COL24A1: variants seen among roughly 807,000 people sequenced by gnomAD.
COL24A1 encodes the protein collagen alpha-1(XXIV) chain.
Under a neutral mutation model 253.9 loss-of-function variants are expected in COL24A1, and 224 were observed. That is an observed-to-expected ratio of 0.88 (90% CI 0.79 to 0.99). COL24A1 has a LOEUF of 0.99. COL24A1 is among the 50% of genes least tolerant of loss of function. The pLI, the probability that COL24A1 is intolerant of heterozygous loss-of-function variation, is 0.00. For missense variants in COL24A1, 2,131 were observed against 2,068.5 expected (o/e 1.03, Z -0.59); for synonymous variants, 685 against 673.7 (o/e 1.02, Z -0.26).
At chr1:85,797,207 C>CAAAAAAAA (rs1181001829) in intron 47 of COL24A1, among the ~76,000 whole-genome samples, 3 of 66,176 alleles carry the variant, frequency 4.5e-5, no homozygotes, top group Non-Finnish European at 8.5e-5. Flanking sequence ...GACTCCGTCT[C>CAAAAAAAA]AAAAAAAAAA....
chr1:85,941,657 C>T (rs1328206810), intron 24 of COL24A1, among the ~76,000 whole-genome samples: 2 of 152,052 alleles, frequency 1.3e-5, no homozygotes, highest in African/African-American at 4.8e-5. Context: ...TTTATTATTT[C>T]ATAGTGAAGA....
intron 5 of COL24A1, among the ~76,000 whole-genome samples, chr1:86,102,576 G>GT (rs1325386718): frequency 6.6e-6 from 1 of 152,074 alleles, no homozygotes; most frequent in Non-Finnish European, 1.5e-5. Flanking sequence ...TCTGATATTC[G>GT]TATCTTTGTT....
At chr1:86,127,187 C>A (rs1648442484) in intron 2 of COL24A1, among the ~76,000 whole-genome samples, 1 of 152,108 alleles carries the variant, frequency 6.6e-6, no homozygotes, top group African/African-American at 2.4e-5. Context: ...CCAAGCTTCT[C>A]TTTCTTCCAC....
At chr1:86,070,463 C>A (rs1026142887) in intron 7 of COL24A1, among the ~76,000 whole-genome samples, 6 of 152,078 alleles carry the variant, frequency 3.9e-5, no homozygotes. Flanking sequence ...AGAAAGATAT[C>A]AAGATTCAAG....
chr1:86,056,777 C>T (rs1054003599), intron 10 of COL24A1, among the ~76,000 whole-genome samples: 2 of 151,514 alleles, frequency 1.3e-5, no homozygotes, highest in African/African-American at 4.8e-5. Context: ...TCGCTTGGAC[C>T]CGGGAGGCAG....
chr1:85,739,599 T>C (rs895140700), intron 57 of COL24A1, among the ~76,000 whole-genome samples: 4 of 152,252 alleles, frequency 2.6e-5, no homozygotes, highest in African/African-American at 7.2e-5. Flanking sequence ...AATCACATTA[T>C]ATCATTCATT....
In COL24A1 at chr1:85,999,224, G is replaced by A. The variant is rs528933171; in HGVS notation, c.2311-11570C>T. On this transcript the variant is annotated intron_variant, in intron 19 of 59. Transcript: ENST00000370571. Reference sequence around the variant, plus strand: ...TTATTGCCTGTTTAGAGGAGGTACTGGGAGAGACAGCTTCAGGCCAAGTAC... The same window carrying A: ...TTATTGCCTGTTTAGAGGAGGTACTAGGAGAGACAGCTTCAGGCCAAGTAC... Among the ~76,000 whole-genome samples, 10 of 152,272 alleles carry A rather than the reference G, an allele frequency of 6.6e-5. No homozygotes were observed. In the East Asian group the frequency reaches 1.9e-3, roughly 29 times the overall value.
chr1:85,851,744 T>A (rs1677796030), intron 37 of COL24A1, among the ~76,000 whole-genome samples: 1 of 152,190 alleles, frequency 6.6e-6, no homozygotes, highest in Admixed American at 6.5e-5. Flanking sequence ...CTGGTTCCTA[T>A]CTTGTGCCCG....
intron 53 of COL24A1, among the ~76,000 whole-genome samples, chr1:85,764,670 A>G (rs936238295): frequency 6.6e-6 from 1 of 152,198 alleles, no homozygotes; most frequent in African/African-American, 2.4e-5. Flanking sequence ...GACCTCAGAT[A>G]TCTAAATTGT....
In COL24A1 at chr1:86,017,304, T is replaced by C. The variant is rs533160801; in HGVS notation, c.2257-100A>G. The C allele has an allele frequency of 1.3e-5, 13 of 1,021,100 alleles. No individual in the cohort carries two copies. In the South Asian group the frequency reaches 1.9e-4, roughly 15 times the overall value. 63.3% of individuals were successfully genotyped at this position (1,021,100 alleles called of 1,614,324 possible). On this transcript the variant is annotated intron_variant, in intron 18 of 59. Coordinates refer to ENST00000370571, the MANE Select transcript of COL24A1 (RefSeq NM_152890.7). The stretch of plus-strand genomic sequence containing the variant: ...GTAAACAAATAGCAGTCAGTCATTA[T>C]ATTATCATGTCAAACAAGGTTGTAA...
intron 47 of COL24A1, among the ~76,000 whole-genome samples, chr1:85,805,213 G>A (rs898561241): frequency 1.3e-5 from 2 of 152,132 alleles, no homozygotes; most frequent in Non-Finnish European, 2.9e-5. Flanking sequence ...GAATTTCTAC[G>A]ATTGCTGCTA....
intron 47 of COL24A1, among the ~76,000 whole-genome samples, chr1:85,814,009 G>A (rs1460448207): frequency 2.6e-5 from 4 of 152,096 alleles, no homozygotes; most frequent in Admixed American, 2.6e-4. Context: ...CTCTTTGCTT[G>A]GGGTGTTCTG....
At chr1:85,757,552 G>A (rs113446061) in intron 55 of COL24A1, among the ~76,000 whole-genome samples, 3 of 144,950 alleles carry the variant, frequency 2.1e-5, no homozygotes, top group Admixed American at 1.4e-4. Context: ...CAGTGCAGGC[G>A]ACAACTCAAT....
intron 58 of COL24A1, among the ~76,000 whole-genome samples, chr1:85,736,885 T>C (rs950210841): frequency 4.6e-5 from 7 of 152,346 alleles, no homozygotes; most frequent in East Asian, 1.9e-4. Flanking sequence ...TAACATGCAT[T>C]CGTTCTAAAC....
At chr1:85,987,990 A>G (rs1317560156) in intron 19 of COL24A1, among the ~76,000 whole-genome samples, 3 of 151,896 alleles carry the variant, frequency 2.0e-5, no homozygotes. Context: ...CATATGGGAT[A>G]TAGGGCTACC....
intron 37 of COL24A1, among the ~76,000 whole-genome samples, chr1:85,858,621 C>CTCCCTTCCTTCCTTCCTTCCT (rs1347863094): frequency 8.8e-6 from 1 of 113,372 alleles, no homozygotes; most frequent in Non-Finnish European, 1.9e-5. Flanking sequence ...TATTTTCTCC[C>CTCCCTTCCTTCCTTCCTTCCT]TCCTTCCTTC....
intron 1 of COL24A1, among the ~76,000 whole-genome samples, chr1:86,148,069 A>G (rs1026703049): frequency 6.6e-6 from 1 of 152,164 alleles, no homozygotes; most frequent in African/African-American, 2.4e-5. Context: ...CATTCTGAGG[A>G]CCACTACTCT....
At chr1:85,898,198 C>T (rs1315449754) in intron 28 of COL24A1, among the ~76,000 whole-genome samples, 2 of 152,152 alleles carry the variant, frequency 1.3e-5, no homozygotes, top group African/African-American at 2.4e-5. Flanking sequence ...CTATACAGAA[C>T]GGTGATACAA....
intron 39 of COL24A1, among the ~76,000 whole-genome samples, chr1:85,843,069 G>T (rs571615148): frequency 7.3e-4 from 111 of 152,130 alleles, no homozygotes; most frequent in Non-Finnish European, 1.4e-3. Flanking sequence ...TTAGCAAAAA[G>T]ATTCCATATT....
Sources: allele counts gnomAD v4.1 joint callset (sites outside exome capture counted in the v4.1 genomes callset), GRCh38; gene constraint gnomAD v4.1.1; transcripts MANE v1.5; gene names NCBI Gene and HGNC (gene_info 2026-07-23, HGNC 2026-07-21).